IQGAP2: variants seen among roughly 807,000 people sequenced by gnomAD.
IQGAP2 encodes IQ motif containing GTPase activating protein 2.
IQGAP2 carries 173 observed loss-of-function variants against 201.3 expected under a neutral mutation model. The ratio of observed to expected loss-of-function variants is 0.86; its 90% CI spans 0.76 to 0.98. The LOEUF (loss-of-function observed/expected upper bound fraction) is 0.98. Ranked by LOEUF, IQGAP2 falls within the 50% of genes least tolerant of loss-of-function variation. The pLI, the probability that IQGAP2 is intolerant of heterozygous loss-of-function variation, is 0.00. For synonymous variants in IQGAP2, 675 were observed against 673.9 expected (o/e 1.00, Z -0.03); for missense variants, 1,687 against 1,864.8 (o/e 0.90, Z 1.76).
At chr5:76,571,335 C>T (rs1012907913) in intron 4 of IQGAP2, among the ~76,000 whole-genome samples, 1 of 152,004 alleles carries the variant, frequency 6.6e-6, no homozygotes, top group Non-Finnish European at 1.5e-5. Flanking sequence ...GCCCCATGCC[C>T]AGCTAATTTT....
intron 18 of IQGAP2, 22 bp from the exon 19 acceptor site, chr5:76,654,178 T>TTG: frequency 6.4e-7 from 1 of 1,554,250 alleles, no homozygotes; most frequent in Admixed American, 1.8e-5. Flanking sequence ...GTTGTACTTT[T>TTG]CTATTTTTTA....
At chr5:76,504,848 C>G in intron 2 of IQGAP2, among the ~76,000 whole-genome samples, 1 of 152,168 alleles carries the variant, frequency 6.6e-6, no homozygotes, top group African/African-American at 2.4e-5. Flanking sequence ...TCTTAAATCT[C>G]TGTCCTTAGG....
At chr5:76,521,886 G>T (rs1758701243) in intron 2 of IQGAP2, among the ~76,000 whole-genome samples, 1 of 152,098 alleles carries the variant, frequency 6.6e-6, no homozygotes, top group Admixed American at 6.6e-5. Flanking sequence ...CTGCTAGTTT[G>T]GGGCCTGCTT....
chr5:76,599,038 C>T (rs11948140), intron 10 of IQGAP2, among the ~76,000 whole-genome samples: 25,217 of 151,936 alleles, frequency 0.17, 2,251 homozygotes, highest in Admixed American at 0.28. Context: ...AAAGGATATA[C>T]ACAAAAGAGC....
At chr5:76,610,114 ATTTTTTTTTTTT>A (rs34917876) in intron 12 of IQGAP2, among the ~76,000 whole-genome samples, 2 of 9,892 alleles carry the variant, frequency 2.0e-4, no homozygotes, top group African/African-American at 9.0e-4. Context: ...ATATATATAT[ATTTTTTTTTTTT>A]TTTTTTTTTT....
chr5:76,669,615 C>T (rs1314833455), intron 23 of IQGAP2, among the ~76,000 whole-genome samples: 1 of 152,054 alleles, frequency 6.6e-6, no homozygotes, highest in Non-Finnish European at 1.5e-5. Context: ...CCTTGAGGAA[C>T]AGCTACAATT....
intron 2 of IQGAP2, among the ~76,000 whole-genome samples, chr5:76,479,672 G>C (rs907416535): frequency 6.6e-6 from 1 of 152,126 alleles, no homozygotes; most frequent in African/African-American, 2.4e-5. Flanking sequence ...GGACCTCTGT[G>C]CAAATGGAGC....
intron 2 of IQGAP2, among the ~76,000 whole-genome samples, chr5:76,505,804 T>C (rs1757579911): frequency 6.6e-6 from 1 of 152,168 alleles, no homozygotes; most frequent in Non-Finnish European, 1.5e-5. Context: ...TTCAAGAAAC[T>C]TTTACTTAGC....
intron 2 of IQGAP2, among the ~76,000 whole-genome samples, chr5:76,544,802 T>C (rs1204035386): frequency 6.6e-6 from 1 of 152,212 alleles, no homozygotes; most frequent in Non-Finnish European, 1.5e-5. Flanking sequence ...GTAAACATTA[T>C]TGCCAGTTTC....
chr5:76,663,859 C>T (rs769929589), intron 21 of IQGAP2, among the ~76,000 whole-genome samples: 6 of 152,210 alleles, frequency 3.9e-5, no homozygotes, highest in South Asian at 4.1e-4. Flanking sequence ...TCCGAAGTTT[C>T]CTGGCTTCTC....
chr5:76,676,364 A>AGGGCTCTGCTGTTTAACCTCCCCC (rs1744825200), intron 27 of IQGAP2, among the ~76,000 whole-genome samples: 1 of 152,174 alleles, frequency 6.6e-6, no homozygotes, highest in African/African-American at 2.4e-5. Context: ...TCCCCACAAC[A>AGGGCTCTGCTGTTTAACCTCCCCC]GGGCTCTGCT....
At chr5:76,486,426 T>C (rs1756139841) in intron 2 of IQGAP2, among the ~76,000 whole-genome samples, 1 of 152,224 alleles carries the variant, frequency 6.6e-6, no homozygotes, top group African/African-American at 2.4e-5. Flanking sequence ...ATGTTAGTGA[T>C]GTTTCTGGCT....
chr5:76,418,445 C>G (rs189413270), intron 1 of IQGAP2, among the ~76,000 whole-genome samples: 2,022 of 152,060 alleles, frequency 0.013, 21 homozygotes, highest in Non-Finnish European at 0.02. Flanking sequence ...CGCTTATAAT[C>G]CCAGTACTTT....
rs75061541 is a variant in IQGAP2 at position 76,586,672 on chromosome 5, G to A, written c.459-2234G>A. ...CGTGGTCTAGTGGGCCATGCCCATC[G>A]GGGTTCTTAGGTTTAGCTAAATATT... On this transcript the variant is annotated intron_variant, in intron 5 of 35. Coordinates refer to ENST00000274364, the MANE Select transcript of IQGAP2 (RefSeq NM_006633.5). Among the ~76,000 whole-genome samples, 1,107 of 149,124 alleles carry A rather than the reference G, an allele frequency of 7.4e-3. 15 individuals carry two copies. Among genetic ancestry groups the A allele is most frequent in the African/African-American group, 0.025 (1,029 of 40,690 alleles).
At chr5:76,413,132 ATTTTCTTTTTTC>A (rs1751215558) in intron 1 of IQGAP2, among the ~76,000 whole-genome samples, 1 of 82,352 alleles carries the variant, frequency 1.2e-5, no homozygotes, top group East Asian at 3.1e-4. Flanking sequence ...TCCTAGCCCT[ATTTTCTTTTTTC>A]TTTTCTTTTC....
At chr5:76,553,799 T>C (rs1243145427) in intron 2 of IQGAP2, among the ~76,000 whole-genome samples, 1 of 152,124 alleles carries the variant, frequency 6.6e-6, no homozygotes, top group Non-Finnish European at 1.5e-5. Flanking sequence ...CATTCACATA[T>C]TGGGGTTGTG....
chr5:76,461,129 C>A lies in IQGAP2; in HGVS notation c.47-441C>A, dbSNP rs191079395. On this transcript the variant is annotated intron_variant, in intron 1 of 35. Coordinates refer to ENST00000274364, the MANE Select transcript of IQGAP2 (RefSeq NM_006633.5). ...TCCTGACCTTGTGATCCGCCCACCT[C>A]AGCCTTCCAAAGTGCTGGGATTACA... 9.7e-3 allele frequency among the ~76,000 whole-genome samples: 1,479 copies of A among 152,146 alleles called. 24 individuals carry two copies. Among genetic ancestry groups the A allele is most frequent in the African/African-American group, 0.034 (1,406 of 41,534 alleles).
chr5:76,701,259 T>C (rs1358621383), intron 34 of IQGAP2, 46 bp downstream of exon 34: 1 of 1,595,204 alleles, frequency 6.3e-7, no homozygotes, highest in Non-Finnish European at 8.6e-7. Flanking sequence ...GCCATTTGAT[T>C]TCTTGTGGCC....
At chr5:76,655,068 C>T (rs1752806260) in intron 20 of IQGAP2, 65 bp downstream of exon 20, 15 of 1,142,522 alleles carry the variant, frequency 1.3e-5, no homozygotes, top group Admixed American at 8.6e-5. Context: ...CATATTGGTC[C>T]ATATTGGTCA....
Sources: allele counts gnomAD v4.1 joint callset (sites outside exome capture counted in the v4.1 genomes callset), GRCh38; gene constraint gnomAD v4.1.1; transcripts MANE v1.5; gene names NCBI Gene and HGNC (gene_info 2026-07-23, HGNC 2026-07-21).